SATB2: variants seen among roughly 807,000 people sequenced by gnomAD.
The protein encoded by SATB2 is SATB homeobox 2.
A neutral mutation model predicts 73.4 loss-of-function variants in SATB2; 1 was observed. That is an observed-to-expected ratio of 0.01 (90% CI 0.00 to 0.06). The LOEUF (loss-of-function observed/expected upper bound fraction) is 0.06. Ranked by LOEUF, SATB2 falls within the 10% of genes least tolerant of loss-of-function variation. The pLI is 1.00. For synonymous variants in SATB2, 397 were observed against 367.0 expected, an observed-to-expected ratio of 1.08 and a Z score of -0.93; for missense variants, 459 against 945.8, an observed-to-expected ratio of 0.49 and a Z score of 6.75.
intron 10 of SATB2, among the ~76,000 whole-genome samples, chr2:199,291,901 ACT>A (rs1222462160): frequency 6.6e-6 from 1 of 151,732 alleles, no homozygotes; most frequent in African/African-American, 2.4e-5. Flanking sequence ...ACACAGCAAG[ACT>A]CTGTCTCAAA....
At chr2:199,328,268 C>T (rs957357615) in intron 8 of SATB2, among the ~76,000 whole-genome samples, 4 of 152,110 alleles carry the variant, frequency 2.6e-5, no homozygotes, top group Admixed American at 1.3e-4. Context: ...TGGCCATGGA[C>T]GGTGGCTCAC....
At chr2:199,353,069 A>T (rs1688865798) in intron 6 of SATB2, among the ~76,000 whole-genome samples, 1 of 151,796 alleles carries the variant, frequency 6.6e-6, no homozygotes, top group Non-Finnish European at 1.5e-5. Context: ...ATGACTAAGG[A>T]TCAAATGCTG....
intron 6 of SATB2, among the ~76,000 whole-genome samples, chr2:199,363,057 C>T (rs1037419170): frequency 1.3e-5 from 2 of 152,174 alleles, no homozygotes; most frequent in African/African-American, 4.8e-5. Context: ...TTCAGCCCAA[C>T]AAAGCAGTTA....
intron 3 of SATB2, among the ~76,000 whole-genome samples, chr2:199,408,421 T>C (rs956835053): frequency 6.6e-6 from 1 of 152,200 alleles, no homozygotes; most frequent in African/African-American, 2.4e-5. Context: ...TATAAGCCAC[T>C]ATTGTGAACA....
At chr2:199,412,925 T>C (rs1303753671) in intron 3 of SATB2, among the ~76,000 whole-genome samples, 1 of 152,192 alleles carries the variant, frequency 6.6e-6, no homozygotes, top group Non-Finnish European at 1.5e-5. Flanking sequence ...ATAATCCTGT[T>C]AGAGCAGGGG....
chr2:199,452,670 A>C (rs1288896043), intron 2 of SATB2, among the ~76,000 whole-genome samples: 1 of 152,146 alleles, frequency 6.6e-6, no homozygotes, highest in Non-Finnish European at 1.5e-5. Context: ...CTAGTAAGTG[A>C]ATGTTACCCA....
At chr2:199,403,074 G>A (rs972922098) in intron 3 of SATB2, among the ~76,000 whole-genome samples, 2 of 152,166 alleles carry the variant, frequency 1.3e-5, no homozygotes, top group African/African-American at 2.4e-5. Context: ...GGCATAGAAT[G>A]CAGACTTTTA....
intron 10 of SATB2, among the ~76,000 whole-genome samples, chr2:199,292,862 C>G (rs1040916905): frequency 2.6e-5 from 4 of 152,094 alleles, no homozygotes; most frequent in Non-Finnish European, 2.9e-5. Context: ...GAATTTTAAG[C>G]CAGCCAAGTT....
At chr2:199,316,611 C>T (rs1687741734) in intron 9 of SATB2, among the ~76,000 whole-genome samples, 1 of 151,960 alleles carries the variant, frequency 6.6e-6, no homozygotes, top group South Asian at 2.1e-4. Flanking sequence ...AAGATTGAGT[C>T]TGTAATTGAG....
chr2:199,294,809 C>T (rs767050020), intron 10 of SATB2, among the ~76,000 whole-genome samples: 8 of 152,214 alleles, frequency 5.3e-5, no homozygotes, highest in Non-Finnish European at 7.3e-5. Flanking sequence ...TTGATCATAA[C>T]AGAAACAGGA....
intron 10 of SATB2, among the ~76,000 whole-genome samples, chr2:199,281,609 A>G (rs930522340): frequency 6.6e-6 from 1 of 152,182 alleles, no homozygotes; most frequent in African/African-American, 2.4e-5. Context: ...AATGGACTAT[A>G]TATAAAATAT....
Position 199,453,351 on chromosome 2 carries a change from A to G in SATB2, c.169+2518T>C, listed in dbSNP as rs144437706. On this transcript the variant is annotated intron_variant, in intron 2 of 10. Coordinates refer to ENST00000417098, the MANE Select transcript of SATB2 (RefSeq NM_001172509.2). ...CCACTTTTAAGACAAATTTTATTGT[A>G]TCCATCATTACACCATTGAAAAGAC... is the stretch of plus-strand genomic sequence containing the variant. Among the ~76,000 whole-genome samples the G allele has an allele frequency of 1.6e-4, 24 of 152,186 alleles. No homozygotes were observed. In the East Asian group the frequency reaches 4.4e-3, roughly 28 times the overall value.
chr2:199,338,933 A>AAG (rs903390206), intron 7 of SATB2, among the ~76,000 whole-genome samples: 8 of 150,024 alleles, frequency 5.3e-5, no homozygotes, highest in African/African-American at 1.7e-4. Context: ...AAAAAAAAAA[A>AAG]AAAGAAAGAA....
At chr2:199,459,456 A>G (rs1384157053), upstream of SATB2, among the ~76,000 whole-genome samples, 1 of 152,126 alleles carries the variant, frequency 6.6e-6, no homozygotes, top group Non-Finnish European at 1.5e-5. This position sits in a 1 kb window ranked among gnomAD's most constrained non-coding sequence, Gnocchi z 4.2. Context: ...CTCCTTAAGG[A>G]AAAGCACGTG....
chr2:199,348,586 C>A (rs1688722058), intron 7 of SATB2, 115 bp downstream of exon 7: 1 of 823,856 alleles, frequency 1.2e-6, no homozygotes, highest in East Asian at 2.6e-5. Flanking sequence ...ATTAATTAAT[C>A]TAATTCTATG....
chr2:199,394,154 T>C lies in SATB2; in HGVS notation c.347-12334A>G, dbSNP rs113236683. Among the ~76,000 whole-genome samples the C allele has an allele frequency of 2.3e-3, 355 of 152,278 alleles. 1 individual carries two copies. Among genetic ancestry groups the C allele is most frequent in the Non-Finnish European group, 4.0e-3 (270 of 68,022 alleles). ...AATTTTGCATTTGCATAGTACCCAA[T>C]AGAATAGTTTATATACCTGCACAAA... On this transcript the variant is annotated intron_variant, in intron 3 of 10. Transcript: ENST00000417098.
At chr2:199,417,264 G>C in intron 3 of SATB2, among the ~76,000 whole-genome samples, 1 of 151,868 alleles carries the variant, frequency 6.6e-6, no homozygotes, top group Admixed American at 6.6e-5. Context: ...AGGATAAAAA[G>C]GAACCATGAT....
intron 10 of SATB2, among the ~76,000 whole-genome samples, chr2:199,278,208 T>C (rs1168038227): frequency 1.3e-5 from 2 of 152,114 alleles, no homozygotes; most frequent in Non-Finnish European, 2.9e-5. Context: ...TGGAAGAACA[T>C]TCCAGATAAC....
Position 199,422,515 on chromosome 2 carries a change from A to G in SATB2, c.346+10823T>C, listed in dbSNP as rs575708849. On this transcript the variant is annotated intron_variant, in intron 3 of 10. Coordinates refer to ENST00000417098, the MANE Select transcript of SATB2 (RefSeq NM_001172509.2). Reference sequence around the variant, plus strand: ...ACTCAATTTTAAAATACATATCTTCATTAAGTTATCAATTTGAAAATGTCA... The same window carrying G: ...ACTCAATTTTAAAATACATATCTTCGTTAAGTTATCAATTTGAAAATGTCA... Among the ~76,000 whole-genome samples, 173 of 152,270 alleles carry G rather than the reference A, an allele frequency of 1.1e-3. 1 individual carries two copies. Among genetic ancestry groups the G allele is most frequent in the African/African-American group, 3.9e-3 (162 of 41,576 alleles).
Sources: allele counts gnomAD v4.1 joint callset (sites outside exome capture counted in the v4.1 genomes callset), GRCh38; gene constraint gnomAD v4.1.1; non-coding constraint Gnocchi (gnomAD v3.1); transcripts MANE v1.5; gene names NCBI Gene and HGNC (gene_info 2026-07-23, HGNC 2026-07-21).